The following SENP5 variants were observed in gnomAD, a reference collection of about 807,000 sequenced individuals.
SENP5 encodes the protein SUMO specific peptidase 5.
Under a neutral mutation model 74.2 loss-of-function variants are expected in SENP5, and 21 were observed. The observed-to-expected ratio is 0.28, with a 90% CI of 0.20 to 0.41. The LOEUF (loss-of-function observed/expected upper bound fraction) is 0.41. Among genes scored for constraint, SENP5 ranks in the 10% least tolerant of loss-of-function variants. SENP5 has a pLI of 1.00. For missense variants in SENP5, 717 were observed against 889.1 expected (o/e 0.81, Z 2.46); for synonymous variants, 311 against 312.7 (o/e 0.99, Z 0.06).
intron 6 of SENP5, among the ~76,000 whole-genome samples, chr3:196,913,538 C>A (rs1331609953): frequency 1.4e-5 from 2 of 142,444 alleles, no homozygotes; most frequent in African/African-American, 5.2e-5. Flanking sequence ...CACTGCACTC[C>A]AGCCTGGGTG....
intron 9 of SENP5, among the ~76,000 whole-genome samples, chr3:196,930,213 C>T (rs1577853076): frequency 6.6e-6 from 1 of 152,214 alleles, no homozygotes; most frequent in Admixed American, 6.5e-5. Flanking sequence ...AAGACCGGTT[C>T]GTTTGTATAC....
chr3:196,870,607 T>C (rs1218248523), intron 1 of SENP5, among the ~76,000 whole-genome samples: 2 of 152,036 alleles, frequency 1.3e-5, no homozygotes, highest in African/African-American at 4.8e-5. Context: ...AACTTCCGCC[T>C]CCCGGGTTCA....
intron 1 of SENP5, among the ~76,000 whole-genome samples, chr3:196,873,221 A>T (rs1369597937): frequency 6.6e-6 from 1 of 151,812 alleles, no homozygotes; most frequent in Non-Finnish European, 1.5e-5. Flanking sequence ...TTACAGGCAC[A>T]TGCCACCATG....
At chr3:196,868,690 T>C (rs1408397745) in intron 1 of SENP5, among the ~76,000 whole-genome samples, 1 of 152,194 alleles carries the variant, frequency 6.6e-6, no homozygotes, top group Non-Finnish European at 1.5e-5. Context: ...TGGTAGTGTT[T>C]TTCATCTCAT....
chr3:196,929,997 A>AT lies in SENP5; in HGVS notation c.2157+314_2157+315insT, dbSNP rs1458282183. Reference sequence around the variant, plus strand: ...CCATTGGCATTTGCATAAAAAAAAAAAAAAAAAAACATTGGCAAGCAATCT... The same window carrying AT: ...CCATTGGCATTTGCATAAAAAAAAAATAAAAAAAAACATTGGCAAGCAATCT... On this transcript the variant is annotated intron_variant, in intron 9 of 9. Transcript: ENST00000323460. Among the ~76,000 whole-genome samples the AT allele has an allele frequency of 1.2e-4, 18 of 152,216 alleles. No individual in the cohort carries two copies. The East Asian group carries it at 3.5e-3, about 29-fold the overall frequency.
chr3:196,914,467 C>CA (rs1307063184), intron 6 of SENP5: 1 of 142,274 alleles, frequency 7.0e-6, no homozygotes, highest in Non-Finnish European at 1.5e-5. Flanking sequence ...CAAGTATATG[C>CA]AAAAAAATAA....
intron 7 of SENP5, among the ~76,000 whole-genome samples, chr3:196,927,047 T>A (rs760547864): frequency 4.6e-5 from 7 of 152,168 alleles, no homozygotes; most frequent in Non-Finnish European, 8.8e-5. Context: ...CTGGGGACAT[T>A]TTGAAACTCC....
intron 8 of SENP5, among the ~76,000 whole-genome samples, chr3:196,928,917 C>T (rs1322168043): frequency 6.6e-6 from 1 of 152,190 alleles, no homozygotes; most frequent in Admixed American, 6.5e-5. Flanking sequence ...TGGCCGGGCA[C>T]AGTGGCTCAC....
chr3:196,898,261 A>G (rs1302792059), intron 2 of SENP5, among the ~76,000 whole-genome samples: 3 of 151,776 alleles, frequency 2.0e-5, no homozygotes, highest in Non-Finnish European at 4.4e-5. Context: ...ATTCAGGGAT[A>G]TATATAAGCA....
At chr3:196,929,831 T>C in intron 9 of SENP5, 148 bp downstream of exon 9, 1 of 652,870 alleles carries the variant, frequency 1.5e-6, no homozygotes, top group Non-Finnish European at 2.7e-6. Context: ...TGAGGAGCAG[T>C]AGTTTCTGCA....
At chr3:196,917,373 A>G (rs1715423721) in intron 6 of SENP5, among the ~76,000 whole-genome samples, 1 of 148,314 alleles carries the variant, frequency 6.7e-6, no homozygotes, top group Non-Finnish European at 1.5e-5. Flanking sequence ...AAGAGGAGGT[A>G]GAGAGAGAGA....
At chr3:196,870,144 C>G (rs1230813564) in intron 1 of SENP5, among the ~76,000 whole-genome samples, 2 of 152,088 alleles carry the variant, frequency 1.3e-5, no homozygotes, top group Non-Finnish European at 2.9e-5. Flanking sequence ...ATTTTTAGTT[C>G]CTTTTTCTTT....
intron 2 of SENP5, among the ~76,000 whole-genome samples, chr3:196,890,922 G>A (rs1714174478): frequency 6.6e-6 from 1 of 152,176 alleles, no homozygotes; most frequent in African/African-American, 2.4e-5. Context: ...AAAAGGGATA[G>A]ATTCCTGTGC....
intron 1 of SENP5, among the ~76,000 whole-genome samples, chr3:196,884,734 C>T (rs775997168): frequency 4.8e-5 from 7 of 146,590 alleles, no homozygotes; most frequent in South Asian, 4.3e-4. Context: ...TGCAGTGGCG[C>T]GATTTTTGGC....
At chr3:196,899,545 A>G in intron 2 of SENP5, 121 bp from the exon 3 acceptor site, 2 of 566,516 alleles carry the variant, frequency 3.5e-6, no homozygotes, top group Non-Finnish European at 6.4e-6. Context: ...AATATTATAT[A>G]GTAATATAGG....
intron 1 of SENP5, among the ~76,000 whole-genome samples, chr3:196,870,208 A>G (rs1713151724): frequency 1.3e-5 from 2 of 152,202 alleles, no homozygotes; most frequent in African/African-American, 4.8e-5. Context: ...AGACGCTCAG[A>G]AAGGGTCAAC....
chr3:196,892,244 A>G (rs1184255414), intron 2 of SENP5, among the ~76,000 whole-genome samples: 1 of 152,048 alleles, frequency 6.6e-6, no homozygotes, highest in Non-Finnish European at 1.5e-5. Flanking sequence ...CCCGGGTTCA[A>G]GCGATTCTCG....
intron 2 of SENP5, among the ~76,000 whole-genome samples, chr3:196,897,899 C>T (rs774630450): frequency 1.4e-4 from 22 of 151,922 alleles, no homozygotes; most frequent in East Asian, 5.8e-4. Flanking sequence ...TGGCCAGGCG[C>T]GGTGGCTCAC....
chr3:196,891,230 C>G (rs1714186487), intron 2 of SENP5, among the ~76,000 whole-genome samples: 1 of 152,042 alleles, frequency 6.6e-6, no homozygotes, highest in South Asian at 2.1e-4. Context: ...TTTGAAATGT[C>G]CAGAATAGGC....
Sources: gnomAD v4.1 joint callset for allele counts (sites outside exome capture counted in the v4.1 genomes callset) on GRCh38, gnomAD v4.1.1 for gene constraint, MANE v1.5 for transcripts, NCBI Gene and HGNC (gene_info 2026-07-23, HGNC 2026-07-21) for gene names.